The following FARS2 variants were observed in gnomAD, a reference collection of about 807,000 sequenced individuals.
FARS2 encodes the protein phenylalanyl-tRNA synthetase 2, mitochondrial.
Under a neutral mutation model 46.4 loss-of-function variants are expected in FARS2, and 40 were observed. The observed-to-expected ratio is 0.86, with a 90% CI of 0.67 to 1.12. FARS2 has a LOEUF of 1.12. FARS2 is among the 50% of genes most tolerant of loss of function. FARS2 has a pLI of 0.00. For synonymous variants in FARS2, 234 were observed against 214.9 expected (o/e 1.09, Z -0.78); for missense variants, 513 against 567.9 (o/e 0.90, Z 0.98).
At chr6:5,574,212 G>A (rs996926879) in intron 5 of FARS2, among the ~76,000 whole-genome samples, 11 of 152,028 alleles carry the variant, frequency 7.2e-5, no homozygotes, top group Admixed American at 3.3e-4. Context: ...GCTCACTGCA[G>A]CTCCCGGGTT....
chr6:5,392,780 A>ACATATATG (rs1562007221), intron 2 of FARS2, among the ~76,000 whole-genome samples: 5 of 147,876 alleles, frequency 3.4e-5, no homozygotes, highest in Non-Finnish European at 7.4e-5. Context: ...ATGTATATAT[A>ACATATATG]TGTGTGTATA....
rs140502493 is a variant in FARS2, at chr6:5,381,293, G to A, written c.612+12111G>A. Reference sequence around the variant, plus strand: ...ATTACAGGCGTGAGCCACCGCGCCCGGCCTATAGCAATGATTTCTAATTTT... The same window carrying A: ...ATTACAGGCGTGAGCCACCGCGCCCAGCCTATAGCAATGATTTCTAATTTT... On this transcript the variant is annotated intron_variant, in intron 2 of 6. Transcript: ENST00000274680. Among the ~76,000 whole-genome samples, 673 of 151,522 alleles carry A rather than the reference G, an allele frequency of 4.4e-3. 1 individual carries two copies. The highest frequency in any genetic ancestry group is 0.015 in the African/African-American group (637 of 41,276).
At position 5,385,127 on chromosome 6, in the gene FARS2, G is replaced by A. The variant is rs76704713; in HGVS notation, c.612+15945G>A. 2.6e-5 allele frequency among the ~76,000 whole-genome samples: 4 copies of A among 152,254 alleles called. No homozygotes were observed. In the East Asian group the frequency reaches 5.8e-4, roughly 22 times the overall value. ...TTAGGACAGAGTTGTATTTAACTGG[G>A]CCCTTGAAACACAAGTCTTCCCGAA... On this transcript the variant is annotated intron_variant, in intron 2 of 6. Transcript: ENST00000274680.
Position 5,671,068 on chromosome 6 carries a change from G to A in FARS2, c.1217+57748G>A, listed in dbSNP as rs144199560. The stretch of plus-strand genomic sequence containing the variant: ...CCTTAGGTAATTACTTTCTGCCTTA[G>A]TTGGGGGACTTATGGTAGCATAAGC... On this transcript the variant is annotated intron_variant, in intron 6 of 6. Transcript: ENST00000274680. Among the ~76,000 whole-genome samples, 4 of 152,354 alleles carry A rather than the reference G, an allele frequency of 2.6e-5. No homozygotes were observed. The East Asian group carries it at 7.7e-4, about 29-fold the overall frequency.
intron 1 of FARS2, among the ~76,000 whole-genome samples, chr6:5,333,414 A>G (rs1204841310): frequency 6.6e-6 from 1 of 152,160 alleles, no homozygotes. Flanking sequence ...AAACTCCTTT[A>G]TTTTGCTGGA....
chr6:5,337,911 T>C (rs999851109), intron 1 of FARS2, among the ~76,000 whole-genome samples: 1 of 152,230 alleles, frequency 6.6e-6, no homozygotes, highest in African/African-American at 2.4e-5. Flanking sequence ...GAAAGGCTTC[T>C]GGGAAAGCAT....
chr6:5,344,151 T>G (rs781757791), intron 1 of FARS2, among the ~76,000 whole-genome samples: 2 of 152,222 alleles, frequency 1.3e-5, no homozygotes, highest in African/African-American at 2.4e-5. Flanking sequence ...CCAGTTTATC[T>G]AAGTCAGAAG....
intron 3 of FARS2, among the ~76,000 whole-genome samples, chr6:5,405,660 T>C (rs760777173): frequency 1.3e-4 from 19 of 151,806 alleles, no homozygotes; most frequent in Non-Finnish European, 2.7e-4. Context: ...GCCTGGTTAA[T>C]TTTTTGTATT....
chr6:5,528,044 A>G (rs552437144), intron 4 of FARS2, among the ~76,000 whole-genome samples: 14 of 152,350 alleles, frequency 9.2e-5, no homozygotes, highest in Non-Finnish European at 1.9e-4. Context: ...AATAAATGCT[A>G]AGCAAGGCAT....
At chr6:5,677,343 A>G (rs1778817353) in intron 6 of FARS2, among the ~76,000 whole-genome samples, 1 of 152,120 alleles carries the variant, frequency 6.6e-6, no homozygotes, top group Admixed American at 6.5e-5. Context: ...CATTCAAGTT[A>G]TTTCTTCCGG....
intron 6 of FARS2, among the ~76,000 whole-genome samples, chr6:5,642,420 G>T (rs575108546): frequency 2.6e-5 from 4 of 152,072 alleles, no homozygotes; most frequent in African/African-American, 9.7e-5. Context: ...TTGGATTAAG[G>T]ACTAATGATA....
At chr6:5,496,444 G>A (rs181626434) in intron 4 of FARS2, among the ~76,000 whole-genome samples, 1 of 152,292 alleles carries the variant, frequency 6.6e-6, no homozygotes, top group African/African-American at 2.4e-5. Context: ...GCATACAAGA[G>A]ATGAGGGTGT....
chr6:5,550,935 G>A (rs1461165424), intron 5 of FARS2, among the ~76,000 whole-genome samples: 1 of 152,150 alleles, frequency 6.6e-6, no homozygotes, highest in Non-Finnish European at 1.5e-5. Context: ...AAACTTCTGA[G>A]GCATTAACAA....
intron 4 of FARS2, among the ~76,000 whole-genome samples, chr6:5,483,303 C>G (rs547519813): frequency 6.6e-6 from 1 of 152,314 alleles, no homozygotes; most frequent in African/African-American, 2.4e-5. Context: ...GACCCACCTA[C>G]AACAAAGTCC....
intron 4 of FARS2, among the ~76,000 whole-genome samples, chr6:5,527,432 G>T (rs1240370682): frequency 6.6e-6 from 1 of 152,134 alleles, no homozygotes; most frequent in Non-Finnish European, 1.5e-5. Flanking sequence ...CTTTCTACTT[G>T]TGGCCTAGTT....
At position 5,343,913 on chromosome 6, in the gene FARS2, A is replaced by G. The variant is rs797144; in HGVS notation, c.-21-24637A>G. 0.07 allele frequency among the ~76,000 whole-genome samples: 10,612 copies of G among 152,284 alleles called. 390 individuals are homozygous for G. Among genetic ancestry groups the G allele is most frequent in the Middle Eastern group, 0.095 (28 of 294 alleles). ...ATTAGCTCAAATTCTAACCACAGCCATAAGTGGTCCTTGTGCATGGCAATG... is the reference window on the plus strand; with the variant it reads ...ATTAGCTCAAATTCTAACCACAGCCGTAAGTGGTCCTTGTGCATGGCAATG... On this transcript the variant is annotated intron_variant, in intron 1 of 6. Transcript: ENST00000274680. The surrounding 1 kb of genome is among the most constrained non-coding windows in gnomAD (Gnocchi z 4.5).
At chr6:5,526,666 G>T (rs1029295493) in intron 4 of FARS2, among the ~76,000 whole-genome samples, 2 of 151,872 alleles carry the variant, frequency 1.3e-5, no homozygotes, top group Non-Finnish European at 2.9e-5. Flanking sequence ...TTGCCCAGTG[G>T]AGTGAAATGG....
chr6:5,337,552 A>G (rs1771249051), intron 1 of FARS2, among the ~76,000 whole-genome samples: 1 of 151,964 alleles, frequency 6.6e-6, no homozygotes, highest in Non-Finnish European at 1.5e-5. Context: ...CCCTTTATGT[A>G]TTTGTTATTG....
intron 6 of FARS2, among the ~76,000 whole-genome samples, chr6:5,659,041 G>A (rs137874967): frequency 6.6e-6 from 1 of 152,192 alleles, no homozygotes; most frequent in Admixed American, 6.5e-5. Flanking sequence ...TTGGACTACA[G>A]TTGTTCCTTT....
Sources: allele counts gnomAD v4.1 joint callset (sites outside exome capture counted in the v4.1 genomes callset), GRCh38; gene constraint gnomAD v4.1.1; non-coding constraint Gnocchi (gnomAD v3.1); transcripts MANE v1.5; gene names NCBI Gene and HGNC (gene_info 2026-07-23, HGNC 2026-07-21).